Variants in CDK15 observed in about 807,000 individuals in gnomAD.
CDK15 encodes cyclin-dependent kinase 15.
A neutral mutation model predicts 60.3 loss-of-function variants in CDK15; 62 were observed. The observed-to-expected ratio is 1.03, with a 90% CI of 0.84 to 1.27. The LOEUF is 1.27. Among genes scored for constraint, CDK15 ranks in the 50% most tolerant of loss-of-function variants. The pLI is 0.00. For missense variants in CDK15, 541 were observed against 527.8 expected, an observed-to-expected ratio of 1.03 and a Z score of -0.25; for synonymous variants, 194 against 195.7, an observed-to-expected ratio of 0.99 and a Z score of 0.07.
intron 12 of CDK15, among the ~76,000 whole-genome samples, chr2:201,881,182 C>T (rs1479012870): frequency 2.6e-5 from 4 of 152,152 alleles, no homozygotes; most frequent in Non-Finnish European, 4.4e-5. Flanking sequence ...AGTTTGCAGA[C>T]GCAGCTCCTC....
At chr2:201,871,456 C>CT (rs78277223) in intron 10 of CDK15, among the ~76,000 whole-genome samples, 4,426 of 142,726 alleles carry the variant, frequency 0.031, 181 homozygotes, top group East Asian at 0.22. Context: ...GCTCCCCTGA[C>CT]TTTTTTTTTT....
intron 6 of CDK15, among the ~76,000 whole-genome samples, chr2:201,825,207 G>A (rs1696417799): frequency 1.3e-5 from 2 of 151,250 alleles, no homozygotes; most frequent in East Asian, 2.0e-4. Context: ...CCAGCTGCTC[G>A]AGAGAGTGAG....
chr2:201,835,519 G>A, intron 7 of CDK15, 124 bp from the exon 8 acceptor site: 1 of 1,104,720 alleles, frequency 9.1e-7, no homozygotes, highest in Non-Finnish European at 1.2e-6. Flanking sequence ...ATAGTGATTA[G>A]TTCTACTAAA....
chr2:201,886,013 C>T (rs1235853466), intron 12 of CDK15, among the ~76,000 whole-genome samples: 2 of 152,200 alleles, frequency 1.3e-5, no homozygotes, highest in Non-Finnish European at 2.9e-5. Context: ...TCCTTTCCTA[C>T]TATTCATTGT....
intron 6 of CDK15, among the ~76,000 whole-genome samples, chr2:201,826,374 G>A (rs2105721041): frequency 6.7e-6 from 1 of 150,086 alleles, no homozygotes; most frequent in East Asian, 2.0e-4. Context: ...GCAGGAGAAT[G>A]GCGTGAACCC....
intron 11 of CDK15, chr2:201,876,464 G>A: frequency 1.7e-6 from 1 of 590,692 alleles, no homozygotes; most frequent in South Asian, 1.5e-5. Context: ...GTGAAGGTTT[G>A]TGTTCATGTG....
chr2:201,836,076 A>AT lies in CDK15; in HGVS notation c.851+314dup, dbSNP rs1559126237. 2.2e-4 allele frequency among the ~76,000 whole-genome samples: 25 copies of AT among 113,006 alleles called. 1 individual carries two copies. The highest frequency in any genetic ancestry group is 1.1e-3 in the Admixed American group (9 of 8,130). The allele number at this position is 113,006 out of a possible 152,430, so 74.1% of individuals were successfully genotyped here. On this transcript the variant is annotated intron_variant, in intron 8 of 13. Coordinates refer to ENST00000652192, the MANE Select transcript of CDK15 (RefSeq NM_001366386.2). ...ATATATATTATATATATTTATATTT[A>AT]TATATATTTATATATTTATATATAT...
In CDK15 at chr2:201,881,390, A is replaced by T. The variant is rs990305572; in HGVS notation, c.1198+1223A>T. Among the ~76,000 whole-genome samples, 3 of 152,336 alleles carry T rather than the reference A, an allele frequency of 2.0e-5. No homozygotes were observed. The South Asian group carries it at 6.2e-4, about 32-fold the overall frequency. ...ATTAAATTGCCATTAAGTGTCAAGAACATATTGAGTGCTATAAAAAGTTGA... is the reference window on the plus strand; with the variant it reads ...ATTAAATTGCCATTAAGTGTCAAGATCATATTGAGTGCTATAAAAAGTTGA... On this transcript the variant is annotated intron_variant, in intron 12 of 13. Coordinates refer to ENST00000652192, the MANE Select transcript of CDK15 (RefSeq NM_001366386.2).
intron 9 of CDK15, among the ~76,000 whole-genome samples, chr2:201,853,731 TA>T (rs10713854): frequency 0.98 from 146,745 of 149,144 alleles, 72,200 homozygotes; most frequent in South Asian, 0.99. Flanking sequence ...GATTATTCTT[TA>T]AAAAAAAAAA....
rs746754824 is a variant in CDK15 at position 201,872,312 on chromosome 2, T to C, written c.1044T>C (p.His348=). The C allele has an allele frequency of 1.2e-6, 2 of 1,614,048 alleles. No homozygotes were observed. The change falls in exon 11 of 14, where the codon CAT becomes CAC. Residue 348 remains histidine (H), a synonymous_variant. Coordinates refer to ENST00000652192, the MANE Select transcript of CDK15 (RefSeq NM_001366386.2). The part of the protein sequence containing the change: ...WFPLPTPRSL[H]VVWNRLGRVP... ...CACTGCCTACGCCTCGAAGCCTTCATGTTGTCTGGAACAGGTGAGTACTAC... is the reference window on the plus strand; with the variant it reads ...CACTGCCTACGCCTCGAAGCCTTCACGTTGTCTGGAACAGGTGAGTACTAC...
intron 6 of CDK15, among the ~76,000 whole-genome samples, chr2:201,830,632 G>T (rs7581731): frequency 6.6e-6 from 1 of 151,936 alleles, no homozygotes; most frequent in Non-Finnish European, 1.5e-5. Context: ...GTTCTCATGG[G>T]CACTAATGTC....
In CDK15 at chr2:201,807,607, T is replaced by C. The variant is rs1695572079; in HGVS notation, c.237T>C (p.Cys79=). ...AAAGGCCACGGAGTAACAGTGATTG[T>C]TTTCAGGAAGAGGATCTGAGGCAGG... ...KSKRPRSNSD[C]FQEEDLRQGF... Residue 79 remains cysteine, a synonymous_variant, in exon 2 of 14, where the codon TGT becomes TGC. Coordinates refer to ENST00000652192, the MANE Select transcript of CDK15 (RefSeq NM_001366386.2). 1.2e-6 allele frequency: 2 copies of C among 1,614,140 alleles called. No homozygotes were observed. Among genetic ancestry groups the C allele is most frequent in the Non-Finnish European group, 1.7e-6 (2 of 1,180,032 alleles).
chr2:201,840,797 A>G (rs1479594181), intron 8 of CDK15, among the ~76,000 whole-genome samples: 1 of 151,968 alleles, frequency 6.6e-6, no homozygotes, highest in Non-Finnish European at 1.5e-5. Flanking sequence ...TTTTCTCTGG[A>G]TGTTTTAAAG....
At chr2:201,811,274 C>T (rs1358632115) in intron 3 of CDK15, among the ~76,000 whole-genome samples, 3 of 152,086 alleles carry the variant, frequency 2.0e-5, no homozygotes, top group African/African-American at 7.2e-5. Flanking sequence ...CCTCAGCCTC[C>T]CCAGTAGCTG....
chr2:201,828,038 G>A (rs1696581111), intron 6 of CDK15, among the ~76,000 whole-genome samples: 1 of 152,210 alleles, frequency 6.6e-6, no homozygotes, highest in Admixed American at 6.5e-5. Context: ...GGTAATGTGA[G>A]CATGAGGAGG....
chr2:201,827,977 T>C (rs762309956), intron 6 of CDK15, among the ~76,000 whole-genome samples: 1 of 152,074 alleles, frequency 6.6e-6, no homozygotes, highest in Non-Finnish European at 1.5e-5. Flanking sequence ...GTAGTGACAA[T>C]AAGAATGGAG....
At chr2:201,858,401 TTCCC>T (rs920287422) in intron 10 of CDK15, among the ~76,000 whole-genome samples, 1 of 141,312 alleles carries the variant, frequency 7.1e-6, no homozygotes, top group African/African-American at 2.6e-5. Context: ...CTCTCTCTCT[TTCCC>T]TCCCTTCTTT....
intron 11 of CDK15, among the ~76,000 whole-genome samples, chr2:201,879,521 A>G (rs1376730579): frequency 6.6e-6 from 1 of 152,216 alleles, no homozygotes; most frequent in Admixed American, 6.5e-5. Flanking sequence ...CTGGGATTAC[A>G]GGTGCATGCC....
intron 4 of CDK15, among the ~76,000 whole-genome samples, chr2:201,816,465 T>G (rs1028641373): frequency 5.4e-5 from 8 of 147,582 alleles, no homozygotes; most frequent in East Asian, 2.0e-4. Context: ...GTTTTTTTTT[T>G]TTTTTTTTTT....
Sources: allele counts gnomAD v4.1 joint callset (sites outside exome capture counted in the v4.1 genomes callset), GRCh38; gene constraint gnomAD v4.1.1; transcripts MANE v1.5; gene names NCBI Gene and HGNC (gene_info 2026-07-23, HGNC 2026-07-21).